ENPP7: variants seen among roughly 807,000 people sequenced by gnomAD.
ENPP7 encodes ectonucleotide pyrophosphatase/phosphodiesterase family member 7.
A neutral mutation model predicts 33.6 loss-of-function variants in ENPP7; 39 were observed. The ratio of observed to expected loss-of-function variants is 1.16; its 90% CI spans 0.90 to 1.52. ENPP7 has a LOEUF of 1.52. Among genes scored for constraint, ENPP7 ranks in the 40% most tolerant of loss-of-function variants. ENPP7 has a pLI of 0.00. For missense variants in ENPP7, 594 were observed against 641.0 expected (o/e 0.93, Z 0.79); for synonymous variants, 244 against 274.3 (o/e 0.89, Z 1.09).
rs113429164 is a variant in ENPP7, at chr17:79,731,412, G to A, written c.253+20G>A. ...TCACCGGTGAGTACTGCCCTGTGAC[G>A]GGGCCTGGGGGTGGGAGGGCCTGAG... On this transcript the variant is annotated intron_variant, in intron 1 of 5. Transcript: ENST00000328313. 1,351 of 1,593,748 alleles carry A rather than the reference G, an allele frequency of 8.5e-4. 6 individuals carry two copies. In the African/African-American group the frequency reaches 0.014, roughly 16 times the overall value.
At chr17:79,736,895 GA>G in intron 3 of ENPP7, 145 bp from the exon 4 acceptor site, 1 of 652,342 alleles carries the variant, frequency 1.5e-6, no homozygotes, top group Non-Finnish European at 2.7e-6. Flanking sequence ...TGGAGGCTCA[GA>G]ATTCGGGGAA....
chr17:79,733,424 G>T, intron 1 of ENPP7, 84 bp from the exon 2 acceptor site: 6 of 1,435,774 alleles, frequency 4.2e-6, no homozygotes, highest in Non-Finnish European at 3.8e-6. Flanking sequence ...GGGCTGTTTT[G>T]ACTTCGCCTC....
At chr17:79,740,701 C>G (rs868948390) in intron 5 of ENPP7, among the ~76,000 whole-genome samples, 2 of 152,220 alleles carry the variant, frequency 1.3e-5, no homozygotes, top group African/African-American at 4.8e-5. Context: ...GGAGCAGCCA[C>G]GGTGGCGTCC....
At chr17:79,731,869 G>A (rs780470842) in intron 1 of ENPP7, among the ~76,000 whole-genome samples, 6 of 152,058 alleles carry the variant, frequency 3.9e-5, no homozygotes, top group Admixed American at 2.0e-4. Context: ...AGGCTGAGGC[G>A]GGCGGATCAC....
At position 79,738,388 on chromosome 17, in the gene ENPP7, T is replaced by C; in HGVS notation, c.*16+326T>C. 3.5e-6 allele frequency: 1 copy of C among 288,374 alleles called. No individual in the cohort carries two copies. The highest frequency in any genetic ancestry group is 6.7e-6 in the Non-Finnish European group (1 of 148,766). The allele number at this position is 288,374 out of a possible 1,614,324, so 17.9% of individuals were successfully genotyped here. Reference sequence around the variant, plus strand: ...GCTGCCTCCCCTCCTTCCTGCCATCTCTGTGCTCCACTGGGATAGCTCGGA... The same window carrying C: ...GCTGCCTCCCCTCCTTCCTGCCATCCCTGTGCTCCACTGGGATAGCTCGGA... On this transcript the variant is annotated intron_variant, in intron 5 of 5. Transcript: ENST00000328313. This position sits in a 1 kb window ranked among gnomAD's most constrained non-coding sequence, Gnocchi z 6.2.
intron 3 of ENPP7, 66 bp from the exon 4 acceptor site, chr17:79,736,975 T>G: frequency 7.2e-7 from 1 of 1,384,884 alleles, no homozygotes; most frequent in African/African-American, 1.4e-5. Context: ...ATAGGGTGGA[T>G]AGGGTAGGCG....
Position 79,737,781 on chromosome 17 carries a change from G to T in ENPP7, c.1247-135G>T. 1.0e-6 allele frequency: 1 copy of T among 973,394 alleles called. No homozygotes were observed. The highest frequency in any genetic ancestry group is 1.6e-6 in the Non-Finnish European group (1 of 635,138). 60.3% of individuals were successfully genotyped at this position (973,394 alleles called of 1,614,324 possible). On this transcript the variant is annotated intron_variant, in intron 4 of 5. Transcript: ENST00000328313. This position sits in a 1 kb window ranked among gnomAD's most constrained non-coding sequence, Gnocchi z 5.5. ...CTATGAAGGGCCGTGGTGGACAAAG[G>T]CCATGGGACCAAGGGGGCGGTGAAA...
At position 79,737,157 on chromosome 17, in the gene ENPP7, C is replaced by CT. The variant is rs782745397; in HGVS notation, c.1146dup (p.Glu383Ter). 38 of 1,613,858 alleles carry CT rather than the reference C, an allele frequency of 2.4e-5. No individual in the cohort carries two copies. The highest frequency in any genetic ancestry group is 3.1e-5 in the Non-Finnish European group (36 of 1,180,042). ...TCAGGGCGGGCCTGGAGGTGGAGCC[C>CT]TTTGAGAGCGTCCACGTGTACGAGC... On this transcript the variant is annotated frameshift_variant, in exon 4 of 6. Coordinates refer to ENST00000328313, the MANE Select transcript of ENPP7 (RefSeq NM_178543.5). LOFTEE classifies it high-confidence loss of function. The surrounding 1 kb of genome is among the most constrained non-coding windows in gnomAD (Gnocchi z 5.5).
chr17:79,737,984 A>G lies in ENPP7; in HGVS notation c.1315A>G (p.Ser439Gly). The change falls in exon 5 of 6, where the codon AGC becomes GGC. Residue 439 changes from serine to glycine, a missense_variant. Ser to Gly is a moderately conservative substitution (Grantham distance 56). Transcript: ENST00000328313. The surrounding 1 kb of genome is among the most constrained non-coding windows in gnomAD (Gnocchi z 5.5). ...GGGAAGATCTGCTCTCCCGCCCAGCAGCAGGCCCCTCCTCGTGATGGGACT... is the reference window on the plus strand; with the variant it reads ...GGGAAGATCTGCTCTCCCGCCCAGCGGCAGGCCCCTCCTCGTGATGGGACT... ...PKGRSALPPS[S>G]RPLLVMGLLG... The G allele has an allele frequency of 1.9e-6, 3 of 1,613,772 alleles. No homozygotes were observed. The highest frequency in any genetic ancestry group is 2.5e-6 in the Non-Finnish European group (3 of 1,180,008).
chr17:79,733,594 G>C lies in ENPP7; in HGVS notation c.340G>C (p.Gly114Arg). The change falls in exon 2 of 6, where the codon GGC (glycine) becomes CGC (arginine). Residue 114 changes from glycine (G) to arginine (R), a missense_variant. Coordinates refer to ENST00000328313, the MANE Select transcript of ENPP7 (RefSeq NM_178543.5). ...KVKLPYHATL[G>R]IQRWWDNGSV... ...GAAGCTGCCCTACCACGCCACGCTG[G>C]GCATCCAGAGGTGGTGGGACAACGG... 1 of 1,613,484 alleles carries C rather than the reference G, an allele frequency of 6.2e-7. No homozygotes were observed.
At chr17:79,734,242 G>A (rs2094291246) in intron 2 of ENPP7, among the ~76,000 whole-genome samples, 1 of 151,546 alleles carries the variant, frequency 6.6e-6, no homozygotes. Context: ...GATGACGCTG[G>A]AATAAATGTC....
chr17:79,740,035 T>A (rs922874846), intron 5 of ENPP7, among the ~76,000 whole-genome samples: 1 of 151,586 alleles, frequency 6.6e-6, no homozygotes, highest in African/African-American at 2.4e-5. Context: ...CTGTAGGAAA[T>A]TTTTTTTTAA....
Position 79,737,839 on chromosome 17 carries a change from G to C in ENPP7, c.1247-77G>C. 6.6e-7 allele frequency: 1 copy of C among 1,526,412 alleles called. No homozygotes were observed. The highest frequency in any genetic ancestry group is 2.3e-5 in the East Asian group (1 of 44,258). The allele number at this position is 1,526,412 out of a possible 1,614,324, so 94.6% of individuals were successfully genotyped here. On this transcript the variant is annotated intron_variant, in intron 4 of 5. Coordinates refer to ENST00000328313, the MANE Select transcript of ENPP7 (RefSeq NM_178543.5). The surrounding 1 kb of genome is among the most constrained non-coding windows in gnomAD (Gnocchi z 5.5). ...GAGGGGCTCGTGGGGACCAACAGAG[G>C]ACCCCGAGTTTACTGTGGAGAGGCT...
chr17:79,740,391 C>T (rs1034002964), intron 5 of ENPP7, among the ~76,000 whole-genome samples: 1 of 152,104 alleles, frequency 6.6e-6, no homozygotes, highest in Non-Finnish European at 1.5e-5. Flanking sequence ...GGTCCAAGGG[C>T]ACCAAAGAGT....
In ENPP7 at chr17:79,737,249, T is replaced by G; in HGVS notation, c.1235T>G (p.Met412Arg). Reference protein sequence around the residue: ...NDGHLATLLPMLHTESALPPD... With the variant: ...NDGHLATLLPRLHTESALPPD... ...GGGCACCTAGCTACTCTGCTGCCCA[T>G]GCTGCACACAGGTGAGGGCAGGGTG... Residue 412 changes from methionine to arginine, a missense_variant, in exon 4 of 6, where the codon ATG becomes AGG. Physicochemically the swap from Met to Arg is moderately conservative, Grantham distance 91 (BLOSUM62 -1). This residue lies in a region of ENPP7 where 504 missense variants were observed against 512.8 expected (regional missense o/e 0.98). Coordinates refer to ENST00000328313, the MANE Select transcript of ENPP7 (RefSeq NM_178543.5). The surrounding 1 kb of genome is among the most constrained non-coding windows in gnomAD (Gnocchi z 5.5). 1.9e-6 allele frequency: 3 copies of G among 1,605,052 alleles called. No individual in the cohort carries two copies. The highest frequency in any genetic ancestry group is 2.2e-5 in the East Asian group (1 of 44,740).
chr17:79,740,960 T>G (rs1457666110), intron 5 of ENPP7, among the ~76,000 whole-genome samples: 2 of 152,146 alleles, frequency 1.3e-5, no homozygotes, highest in Non-Finnish European at 2.9e-5. Context: ...AACTAGGCTG[T>G]CTTCTGTGGC....
At position 79,735,821 on chromosome 17, in the gene ENPP7, C is replaced by A; in HGVS notation, c.1026+152C>A. On this transcript the variant is annotated intron_variant, in intron 3 of 5. Coordinates refer to ENST00000328313, the MANE Select transcript of ENPP7 (RefSeq NM_178543.5). The surrounding 1 kb of genome is among the most constrained non-coding windows in gnomAD (Gnocchi z 5.5). ...CTCACTGCAGCCTTAAACTCCCAGA[C>A]TCAAGCGATCCTTCCACCTCAGCCT... The A allele has an allele frequency of 2.9e-6, 2 of 700,426 alleles. No individual in the cohort carries two copies. Among genetic ancestry groups the A allele is most frequent in the Non-Finnish European group, 4.7e-6 (2 of 429,382 alleles). The allele number at this position is 700,426 out of a possible 1,614,324, so 43.4% of individuals were successfully genotyped here.
At chr17:79,733,284 T>C (rs1424528734) in intron 1 of ENPP7, among the ~76,000 whole-genome samples, 1 of 152,168 alleles carries the variant, frequency 6.6e-6, no homozygotes, top group Non-Finnish European at 1.5e-5. Context: ...CTAAAACAGG[T>C]CAAAGAACAC....
rs782051388 is a variant in ENPP7 at position 79,737,040 on chromosome 17, G to A, written c.1027-1G>A. On this transcript the variant is annotated splice_acceptor_variant, in intron 3 of 5. Transcript: ENST00000328313. LOFTEE classifies it high-confidence loss of function. The surrounding 1 kb of genome is among the most constrained non-coding windows in gnomAD (Gnocchi z 5.5). Reference sequence around the variant, plus strand: ...CAGGACCCTTGCCCGCTCCCCGGCAGAGAATTAACGTCCAGTTCAACAATG... The same window carrying A: ...CAGGACCCTTGCCCGCTCCCCGGCAAAGAATTAACGTCCAGTTCAACAATG... 6.2e-7 allele frequency: 1 copy of A among 1,613,952 alleles called. No individual in the cohort carries two copies. Among genetic ancestry groups the A allele is most frequent in the Admixed American group, 1.7e-5 (1 of 60,024 alleles).
Sources: allele counts gnomAD v4.1 joint callset (sites outside exome capture counted in the v4.1 genomes callset), GRCh38; gene constraint gnomAD v4.1.1; regional missense constraint gnomAD v4.1.1; non-coding constraint Gnocchi (gnomAD v3.1); transcripts MANE v1.5; gene names NCBI Gene and HGNC (gene_info 2026-07-23, HGNC 2026-07-21).